Variants in OXCT1 observed in about 807,000 individuals in gnomAD.
OXCT1 encodes 3-oxoacid CoA-transferase 1, also known as succinyl-CoA:3-ketoacid coenzyme A transferase 1, mitochondrial.
OXCT1 carries 27 observed loss-of-function variants against 69.6 expected under a neutral mutation model. The ratio of observed to expected loss-of-function variants is 0.39; its 90% CI spans 0.29 to 0.54. The LOEUF (loss-of-function observed/expected upper bound fraction) is 0.54, where lower values mean the gene tolerates loss of function less well. Among genes scored for constraint, OXCT1 ranks in the 20% least tolerant of loss-of-function variants. The pLI, the probability that OXCT1 is intolerant of heterozygous loss-of-function variation, is 0.72. For missense variants in OXCT1, 437 were observed against 650.2 expected, an observed-to-expected ratio of 0.67 and a Z score of 3.57; for synonymous variants, 202 against 217.8, an observed-to-expected ratio of 0.93 and a Z score of 0.64.
chr5:41,741,247 C>T (rs566049351), intron 15 of OXCT1, among the ~76,000 whole-genome samples: 4 of 152,222 alleles, frequency 2.6e-5, no homozygotes, highest in Non-Finnish European at 4.4e-5. Flanking sequence ...AGTGAGCCAC[C>T]GCTTAACCAA....
chr5:41,790,848 A>C (rs1218239719), intron 13 of OXCT1, among the ~76,000 whole-genome samples: 1 of 152,156 alleles, frequency 6.6e-6, no homozygotes, highest in Non-Finnish European at 1.5e-5. Flanking sequence ...AAGAAAAAAA[A>C]TGTGTCCTCA....
At chr5:41,782,802 C>T (rs1745472349) in intron 13 of OXCT1, among the ~76,000 whole-genome samples, 1 of 152,144 alleles carries the variant, frequency 6.6e-6, no homozygotes, top group Admixed American at 6.5e-5. Context: ...GGTAAACTTT[C>T]CCCTGTGTAG....
At chr5:41,781,084 T>G (rs1296345915) in intron 13 of OXCT1, among the ~76,000 whole-genome samples, 4 of 152,032 alleles carry the variant, frequency 2.6e-5, no homozygotes, top group Admixed American at 2.0e-4. Context: ...TGTATTTTTT[T>G]AGTAGAGACG....
Position 41,731,502 on chromosome 5 carries a change from C to A in OXCT1, c.*227G>T. On this transcript the variant is annotated 3_prime_UTR_variant, in exon 17 of 17. Transcript: ENST00000196371. Reference sequence around the variant, plus strand: ...TATAATTACCTATTATAAAAACAACCTTCTCAGCCTTAACAAATGAGATAA... The same window carrying A: ...TATAATTACCTATTATAAAAACAACATTCTCAGCCTTAACAAATGAGATAA... 2.3e-6 allele frequency: 2 copies of A among 878,904 alleles called. No individual in the cohort carries two copies. Among genetic ancestry groups the A allele is most frequent in the South Asian group, 4.2e-5 (2 of 47,652 alleles). The allele number at this position is 878,904 out of a possible 1,614,324, so 54.4% of individuals were successfully genotyped here. A position where few individuals can be genotyped will look rare whatever the true frequency, so the allele number is the denominator to read the frequency against.
At chr5:41,848,170 C>A (rs1749011830) in intron 5 of OXCT1, among the ~76,000 whole-genome samples, 1 of 151,574 alleles carries the variant, frequency 6.6e-6, no homozygotes, top group South Asian at 2.1e-4. Context: ...TGAGTGAACT[C>A]CCATTCACAA....
chr5:41,825,576 G>C (rs1747765134), intron 7 of OXCT1, among the ~76,000 whole-genome samples: 1 of 152,210 alleles, frequency 6.6e-6, no homozygotes. Flanking sequence ...TGGACCTTAA[G>C]TCCCTCTGTG....
chr5:41,817,633 A>G (rs563362569), intron 7 of OXCT1, among the ~76,000 whole-genome samples: 2 of 152,320 alleles, frequency 1.3e-5, no homozygotes, highest in African/African-American at 2.4e-5. Context: ...TGCTATATCC[A>G]TCCTTTCCTG....
At position 41,853,227 on chromosome 5, in the gene OXCT1, T is replaced by C. The variant is rs11740524; in HGVS notation, c.414+192A>G. Reference sequence around the variant, plus strand: ...CCTGGATATCTTTTAGAAATATCTCTTTTTTCAGTACACAGTAGAAGAAAA... The same window carrying C: ...CCTGGATATCTTTTAGAAATATCTCCTTTTTCAGTACACAGTAGAAGAAAA... On this transcript the variant is annotated intron_variant, in intron 4 of 16. Transcript: ENST00000196371. Among the ~76,000 whole-genome samples, 31,982 of 152,130 alleles carry C rather than the reference T, an allele frequency of 0.21. 3,508 individuals carry two copies. The highest frequency in any genetic ancestry group is 0.29 in the Middle Eastern group (85 of 294).
rs751351424 is a variant in OXCT1 at position 41,762,285 on chromosome 5, T to C, written c.1249-85A>G. ...AAATTAACTTGCAAAAATAAGCTACTAGAATCATTAAAAACTCATTGTCCT... is the reference window on the plus strand; with the variant it reads ...AAATTAACTTGCAAAAATAAGCTACCAGAATCATTAAAAACTCATTGTCCT... On this transcript the variant is annotated intron_variant, in intron 13 of 16. Coordinates refer to ENST00000196371, the MANE Select transcript of OXCT1 (RefSeq NM_000436.4). The surrounding 1 kb of genome is among the most constrained non-coding windows in gnomAD (Gnocchi z 4.0). The C allele has an allele frequency of 6.1e-5, 63 of 1,040,214 alleles. No individual in the cohort carries two copies. The highest frequency in any genetic ancestry group is 8.8e-5 in the Non-Finnish European group (58 of 656,508). 64.4% of individuals were successfully genotyped at this position (1,040,214 alleles called of 1,614,324 possible). A position where few individuals can be genotyped will look rare whatever the true frequency, so the allele number is the denominator to read the frequency against.
At chr5:41,774,399 T>C (rs1745024325) in intron 13 of OXCT1, among the ~76,000 whole-genome samples, 1 of 152,198 alleles carries the variant, frequency 6.6e-6, no homozygotes, top group South Asian at 2.1e-4. Flanking sequence ...TGGTTTTCTA[T>C]ATGTCGTTCT....
chr5:41,833,468 AT>A (rs1180997393), intron 7 of OXCT1, among the ~76,000 whole-genome samples: 2 of 149,844 alleles, frequency 1.3e-5, no homozygotes, highest in Non-Finnish European at 3.0e-5. Flanking sequence ...AATCAGAGGG[AT>A]TTCATCAACA....
chr5:41,755,957 C>T (rs1213213182), intron 14 of OXCT1, among the ~76,000 whole-genome samples: 1 of 151,910 alleles, frequency 6.6e-6, no homozygotes, highest in Non-Finnish European at 1.5e-5. Context: ...ATAAAGATCG[C>T]TACAGTTTAT....
At chr5:41,793,934 T>A in intron 13 of OXCT1, 69 bp downstream of exon 13, 1 of 945,170 alleles carries the variant, frequency 1.1e-6, no homozygotes, top group Non-Finnish European at 1.7e-6. Flanking sequence ...CTCATGGCCC[T>A]TTTTCTTAGT....
intron 4 of OXCT1, among the ~76,000 whole-genome samples, chr5:41,851,685 A>C (rs1031423883): frequency 6.6e-6 from 1 of 152,092 alleles, no homozygotes; most frequent in African/African-American, 2.4e-5. Flanking sequence ...GGAAGGAGAC[A>C]CTGACCTCTC....
intron 13 of OXCT1, among the ~76,000 whole-genome samples, chr5:41,775,690 G>T (rs1055583500): frequency 6.6e-6 from 1 of 152,066 alleles, no homozygotes; most frequent in African/African-American, 2.4e-5. Context: ...ATCATGTCTT[G>T]GTCTGTCTGG....
intron 13 of OXCT1, among the ~76,000 whole-genome samples, chr5:41,780,372 A>C (rs1745336068): frequency 6.6e-6 from 1 of 152,216 alleles, no homozygotes; most frequent in South Asian, 2.1e-4. Context: ...TACTGACTAC[A>C]TTCAACTGCC....
At chr5:41,822,135 C>T (rs750604996) in intron 7 of OXCT1, among the ~76,000 whole-genome samples, 11 of 151,906 alleles carry the variant, frequency 7.2e-5, no homozygotes, top group Admixed American at 4.6e-4. Context: ...CAAAAAAGCA[C>T]GCAGGTGACA....
At chr5:41,835,056 C>A in intron 7 of OXCT1, among the ~76,000 whole-genome samples, 1 of 145,760 alleles carries the variant, frequency 6.9e-6, no homozygotes, top group African/African-American at 2.6e-5. Flanking sequence ...AGAAGATAAA[C>A]AAAATTGACA....
chr5:41,739,587 C>T (rs1743058381), intron 15 of OXCT1, 96 bp from the exon 16 acceptor site: 4 of 918,864 alleles, frequency 4.4e-6, no homozygotes, highest in East Asian at 2.5e-5. Context: ...TCGACGAGGT[C>T]GGGTGTGGTG....
Sources: gnomAD v4.1 joint callset for allele counts (sites outside exome capture counted in the v4.1 genomes callset) on GRCh38, gnomAD v4.1.1 for gene constraint, Gnocchi (gnomAD v3.1) non-coding constraint, MANE v1.5 for transcripts, NCBI Gene and HGNC (gene_info 2026-07-23, HGNC 2026-07-21) for gene names.